The following SOD2 variants were observed in gnomAD, a reference collection of about 807,000 sequenced individuals.
The protein encoded by SOD2 is superoxide dismutase 2, also known as superoxide dismutase [Mn], mitochondrial.
SOD2 carries 11 observed loss-of-function variants against 27.0 expected under a neutral mutation model. The observed-to-expected ratio is 0.41, with a 90% CI of 0.26 to 0.67. SOD2 has a LOEUF of 0.67. Among genes scored for constraint, SOD2 ranks in the 30% least tolerant of loss-of-function variants. The pLI, the probability that SOD2 is intolerant of heterozygous loss-of-function variation, is 0.34. For synonymous variants in SOD2, 105 were observed against 103.0 expected, an observed-to-expected ratio of 1.02 and a Z score of -0.12; for missense variants, 250 against 274.5, an observed-to-expected ratio of 0.91 and a Z score of 0.63.
chr6:159,757,853 T>C (rs1391831776), intron 1 of SOD2, among the ~76,000 whole-genome samples: 4 of 152,238 alleles, frequency 2.6e-5, no homozygotes, highest in African/African-American at 9.7e-5. Flanking sequence ...ACTTGACCAA[T>C]TTAAACAAAA....
At chr6:159,726,659 G>A (rs1778182768) in intron 1 of SOD2, 1 of 713,936 alleles carries the variant, frequency 1.4e-6, no homozygotes, top group Non-Finnish European at 2.0e-6. Flanking sequence ...ACCTCACAGG[G>A]CCGCCTTCCC....
upstream of SOD2, chr6:159,727,513 A>G (rs1205033149): frequency 1.0e-6 from 1 of 991,766 alleles, no homozygotes; most frequent in Non-Finnish European, 1.2e-6. Context: ...TTCCTCCCTC[A>G]GCGCCATTTT....
At chr6:159,699,245 C>T (rs2114805366) in intron 1 of SOD2, among the ~76,000 whole-genome samples, 1 of 152,350 alleles carries the variant, frequency 6.6e-6, no homozygotes, top group Middle Eastern at 3.4e-3. Flanking sequence ...GGTCATCACT[C>T]TTGGACCTAA....
At chr6:159,710,117 G>C (rs1161682719) in intron 1 of SOD2, among the ~76,000 whole-genome samples, 1 of 111,788 alleles carries the variant, frequency 8.9e-6, no homozygotes, top group African/African-American at 3.4e-5. Context: ...CCTGTTGTGG[G>C]GTGGGGGGAG....
At chr6:159,701,686 A>G (rs1382617660) in intron 1 of SOD2, among the ~76,000 whole-genome samples, 1 of 152,194 alleles carries the variant, frequency 6.6e-6, no homozygotes, top group Admixed American at 6.5e-5. Context: ...TCACTTCATG[A>G]TCTCATCCAT....
At chr6:159,755,047 C>T in intron 1 of SOD2, 1 of 1,612,702 alleles carries the variant, frequency 6.2e-7, no homozygotes, top group Non-Finnish European at 8.5e-7. Context: ...ACTTCATCAT[C>T]CAGCTTGATG....
intron 1 of SOD2, among the ~76,000 whole-genome samples, chr6:159,740,591 G>A (rs986127176): frequency 6.6e-6 from 1 of 151,610 alleles, no homozygotes; most frequent in Non-Finnish European, 1.5e-5. Context: ...GGTAAACTAC[G>A]TGTCTTAGGT....
At chr6:159,762,230 C>T in exon 1 of SOD2, 7 of 1,450,718 alleles carry the variant, frequency 4.8e-6, no homozygotes, top group Non-Finnish European at 6.4e-6. Context: ...AGGAGAGGGG[C>T]GTATGTGGAG....
rs1779803159 is a variant in SOD2 at position 159,677,442 on chromosome 6, C to G, written c.*5051G>C. ...TTCACATCCCTTTCCAAATAGTATG[C>G]CAGTACTATACCAAATAGTATACCA... On this transcript the variant is annotated 3_prime_UTR_variant, in exon 5 of 5. Coordinates refer to ENST00000538183, the MANE Select transcript of SOD2 (RefSeq NM_000636.4). The G allele has an allele frequency of 6.6e-6, 1 of 152,150 alleles. No homozygotes were observed. Among genetic ancestry groups the G allele is most frequent in the South Asian group, 2.1e-4 (1 of 4,826 alleles). 9.4% of individuals were successfully genotyped at this position (152,150 alleles called of 1,614,324 possible). A position where few individuals can be genotyped will look rare whatever the true frequency, so the allele number is the denominator to read the frequency against.
intron 1 of SOD2, among the ~76,000 whole-genome samples, chr6:159,737,368 A>T (rs1778985708): frequency 6.6e-6 from 1 of 152,190 alleles, no homozygotes; most frequent in Non-Finnish European, 1.5e-5. Context: ...ATGTTACATT[A>T]TAATAGTTCC....
chr6:159,693,463 C>A, upstream of SOD2: 1 of 158,218 alleles, frequency 6.3e-6, no homozygotes, highest in Admixed American at 6.4e-5. Flanking sequence ...TGCAGGCTAG[C>A]CTCGGCCTCG....
intron 2 of SOD2, among the ~76,000 whole-genome samples, chr6:159,689,865 C>A (rs1780366943): frequency 6.6e-6 from 1 of 151,858 alleles, no homozygotes; most frequent in African/African-American, 2.4e-5. Context: ...GAGCATGAGG[C>A]AGGAGAATGG....
chr6:159,739,450 A>T (rs991455405), intron 1 of SOD2, among the ~76,000 whole-genome samples: 1 of 152,274 alleles, frequency 6.6e-6, no homozygotes, highest in East Asian at 1.9e-4. Flanking sequence ...CTCATCTGTA[A>T]GTTGAAGAGG....
upstream of SOD2, among the ~76,000 whole-genome samples, chr6:159,728,303 C>G (rs1295879933): frequency 6.6e-6 from 1 of 151,940 alleles, no homozygotes; most frequent in African/African-American, 2.4e-5. Context: ...AGTCTGTGTA[C>G]ACGTAATGGA....
intron 4 of SOD2, among the ~76,000 whole-genome samples, chr6:159,684,499 C>T (rs1221969325): frequency 6.6e-6 from 1 of 152,064 alleles, no homozygotes; most frequent in East Asian, 1.9e-4. Flanking sequence ...TGCCTGTAAT[C>T]CCAGCTATTT....
chr6:159,692,154 C>T, intron 2 of SOD2: 1 of 227,064 alleles, frequency 4.4e-6, no homozygotes. Context: ...ACTCCCACTT[C>T]TATCAGGAGG....
At position 159,704,975 on chromosome 6, in the gene SOD2, G is replaced by A. The variant is rs186489969; in HGVS notation, c.-115-12112C>T. On this transcript the variant is annotated intron_variant, in intron 1 of 2. Coordinates refer to the SOD2 transcript ENST00000401980. ...CAACATTTGCTGTTCAGCAATATTC[G>A]CTGTTCTGCAGCCTCCACTGCTGAT... Among the ~76,000 whole-genome samples the A allele has an allele frequency of 1.5e-3, 235 of 152,286 alleles. 1 individual carries two copies. Among genetic ancestry groups the A allele is most frequent in the South Asian group, 4.1e-3 (20 of 4,828 alleles).
intron 1 of SOD2, among the ~76,000 whole-genome samples, chr6:159,702,288 G>A (rs1342362907): frequency 6.6e-6 from 1 of 150,812 alleles, no homozygotes; most frequent in Non-Finnish European, 1.5e-5. Flanking sequence ...GACCCTGTCT[G>A]TATAAAATTT....
At chr6:159,707,046 A>G (rs1362189754) in intron 1 of SOD2, among the ~76,000 whole-genome samples, 1 of 152,138 alleles carries the variant, frequency 6.6e-6, no homozygotes, top group Non-Finnish European at 1.5e-5. Flanking sequence ...TGAAGACAGA[A>G]ATAAAGATGT....
Sources: gnomAD v4.1 joint callset for allele counts (sites outside exome capture counted in the v4.1 genomes callset) on GRCh38, gnomAD v4.1.1 for gene constraint, MANE v1.5 for transcripts, NCBI Gene and HGNC (gene_info 2026-07-23, HGNC 2026-07-21) for gene names.